Variants in LRRTM3 observed in about 807,000 individuals in gnomAD.
The protein encoded by LRRTM3 is leucine rich repeat transmembrane neuronal 3.
A neutral mutation model predicts 44.7 loss-of-function variants in LRRTM3; 24 were observed. That is an observed-to-expected ratio of 0.54 (90% confidence interval 0.39 to 0.76). The LOEUF (loss-of-function observed/expected upper bound fraction) is 0.76. Ranked by LOEUF, LRRTM3 falls within the 30% of genes least tolerant of loss-of-function variation. The pLI, the probability that LRRTM3 is intolerant of heterozygous loss-of-function variation, is 0.00. For missense variants in LRRTM3, 587 were observed against 702.2 expected (o/e 0.84, Z 1.85); for synonymous variants, 277 against 278.7 (o/e 0.99, Z 0.06).
chr10:66,970,684 T>G (rs1448011164), intron 2 of LRRTM3, among the ~76,000 whole-genome samples: 2 of 152,130 alleles, frequency 1.3e-5, no homozygotes, highest in Non-Finnish European at 2.9e-5. Flanking sequence ...TGACACTATT[T>G]TCACATAGCC....
At chr10:67,056,869 A>T (rs1421228340) in intron 2 of LRRTM3, among the ~76,000 whole-genome samples, 1 of 152,192 alleles carries the variant, frequency 6.6e-6, no homozygotes, top group African/African-American at 2.4e-5. Context: ...ATATGAGGTT[A>T]CATCAATATC....
chr10:67,039,033 G>C (rs1854237118), intron 2 of LRRTM3, among the ~76,000 whole-genome samples: 1 of 151,994 alleles, frequency 6.6e-6, no homozygotes, highest in Non-Finnish European at 1.5e-5. Flanking sequence ...TGTTAGAAAG[G>C]ACTTGAGGTT....
chr10:67,018,499 CA>C (rs1306467888), intron 2 of LRRTM3, among the ~76,000 whole-genome samples: 1 of 152,166 alleles, frequency 6.6e-6, no homozygotes, highest in African/African-American at 2.4e-5. Flanking sequence ...CTGTTATAAA[CA>C]TGTTTGGGAA....
At chr10:67,064,055 C>T (rs1300002368) in intron 2 of LRRTM3, among the ~76,000 whole-genome samples, 1 of 152,164 alleles carries the variant, frequency 6.6e-6, no homozygotes, top group Non-Finnish European at 1.5e-5. Context: ...ATATACCTGA[C>T]GCTTCAGCTT....
chr10:66,926,516 G>A lies in LRRTM3; in HGVS notation c.-68G>A. On this transcript the variant is annotated 5_prime_UTR_variant, in exon 1 of 3. Coordinates refer to ENST00000361320, the MANE Select transcript of LRRTM3 (RefSeq NM_178011.5). ...GACTCACTACAGTGCAGCTGACAGG[G>A]GCTGTCATGCAACTGGCCCCTAAGC... 6.3e-7 allele frequency: 1 copy of A among 1,578,478 alleles called. No homozygotes were observed. The highest frequency in any genetic ancestry group is 8.7e-7 in the Non-Finnish European group (1 of 1,150,196).
At chr10:66,955,189 T>A (rs993515384) in intron 2 of LRRTM3, among the ~76,000 whole-genome samples, 14 of 152,126 alleles carry the variant, frequency 9.2e-5, no homozygotes, top group Non-Finnish European at 1.9e-4. Context: ...CCTGAAAAGA[T>A]CCATTTTATT....
chr10:66,995,272 C>G (rs1279748242), intron 2 of LRRTM3, among the ~76,000 whole-genome samples: 1 of 152,158 alleles, frequency 6.6e-6, no homozygotes, highest in South Asian at 2.1e-4. Flanking sequence ...ACTGAAGACA[C>G]TTTTTCCTCT....
chr10:66,937,004 T>G (rs1325884135), intron 2 of LRRTM3, among the ~76,000 whole-genome samples: 1 of 152,202 alleles, frequency 6.6e-6, no homozygotes, highest in Non-Finnish European at 1.5e-5. Context: ...CCTCAGTATT[T>G]TTCTCAAACA....
Position 67,001,233 on chromosome 10 carries a change from G to A in LRRTM3, c.1536+72781G>A, listed in dbSNP as rs1040466230. On this transcript the variant is annotated intron_variant, in intron 2 of 2. Transcript: ENST00000361320. The stretch of plus-strand genomic sequence containing the variant: ...GGAGAATCGCTTGAACCAGGGACTC[G>A]GAGGTTGCAGTGAGCCGAGATGGAG... 5.3e-5 allele frequency among the ~76,000 whole-genome samples: 8 copies of A among 150,520 alleles called. No homozygotes were observed. In the South Asian group the frequency reaches 8.4e-4, roughly 16 times the overall value.
At chr10:67,091,002 C>T (rs190499295) in intron 2 of LRRTM3, among the ~76,000 whole-genome samples, 10 of 151,954 alleles carry the variant, frequency 6.6e-5, no homozygotes, top group African/African-American at 2.4e-4. Context: ...GGAGTCAAGC[C>T]GGTAGAAAGG....
At position 67,005,980 on chromosome 10, in the gene LRRTM3, C is replaced by T. The variant is rs116432895; in HGVS notation, c.1536+77528C>T. On this transcript the variant is annotated intron_variant, in intron 2 of 2. Transcript: ENST00000361320. The stretch of plus-strand genomic sequence containing the variant: ...GGATTACAAGCGTGAGCCATCGCAC[C>T]CAACCTACTCCATGATTTTTTTGAT... 1.4e-3 allele frequency among the ~76,000 whole-genome samples: 216 copies of T among 152,024 alleles called. 1 individual carries two copies. The highest frequency in any genetic ancestry group is 5.0e-3 in the African/African-American group (206 of 41,480).
At chr10:67,041,523 A>G (rs981667364) in intron 2 of LRRTM3, among the ~76,000 whole-genome samples, 4 of 152,124 alleles carry the variant, frequency 2.6e-5, no homozygotes, top group African/African-American at 9.7e-5. Context: ...TCCTTTCATG[A>G]AATAGTTTTC....
chr10:67,066,122 A>T (rs1432045311), intron 2 of LRRTM3, among the ~76,000 whole-genome samples: 2 of 151,388 alleles, frequency 1.3e-5, no homozygotes, highest in African/African-American at 4.9e-5. Flanking sequence ...CTGAGATGAG[A>T]TCTAACTTTC....
At chr10:67,034,011 A>G (rs867957786) in intron 2 of LRRTM3, among the ~76,000 whole-genome samples, 1 of 152,264 alleles carries the variant, frequency 6.6e-6, no homozygotes, top group African/African-American at 2.4e-5. Flanking sequence ...ACCTCAAGAG[A>G]TCCGCCTGCC....
rs1469737516 is a variant in LRRTM3, at chr10:66,926,655, T to A, written c.4+68T>A. 9 of 1,543,306 alleles carry A rather than the reference T, an allele frequency of 5.8e-6. No individual in the cohort carries two copies. In the Admixed American group the frequency reaches 1.5e-4, roughly 26 times the overall value. The stretch of plus-strand genomic sequence containing the variant: ...AACAAAAAACCTCTAGTGTGTGTAA[T>A]AATTCTGCCTTAATTATTTTAGAGA... On this transcript the variant is annotated intron_variant, in intron 1 of 2. Transcript: ENST00000361320.
Position 66,927,019 on chromosome 10 carries a change from C to T in LRRTM3, c.103C>T (p.Pro35Ser). ...GCTTTCTTCTGCCGAACGAGGATGC[C>T]CTAAGGGCTGTAGGTGTGAAGGCAA... ...TMLSSAERGC[P>S]KGCRCEGKMV... Residue 35 changes from proline to serine, a missense_variant, in exon 2 of 3, where the codon CCT (proline) becomes TCT (serine). This residue lies in a region of LRRTM3 where 50 missense variants were observed against 43.4 expected (regional missense o/e 1.15). Coordinates refer to ENST00000361320, the MANE Select transcript of LRRTM3 (RefSeq NM_178011.5). The surrounding 1 kb of genome is among the most constrained non-coding windows in gnomAD (Gnocchi z 4.7). 2 of 1,614,028 alleles carry T rather than the reference C, an allele frequency of 1.2e-6. No individual in the cohort carries two copies. The highest frequency in any genetic ancestry group is 2.2e-5 in the East Asian group (1 of 44,862).
At chr10:67,059,882 T>G (rs1236479175) in intron 2 of LRRTM3, among the ~76,000 whole-genome samples, 1 of 152,162 alleles carries the variant, frequency 6.6e-6, no homozygotes, top group Non-Finnish European at 1.5e-5. Context: ...GCAATGAAGA[T>G]ATGTAAATAT....
intron 2 of LRRTM3, among the ~76,000 whole-genome samples, chr10:66,967,333 CAT>C (rs558943403): frequency 1.6e-4 from 23 of 140,888 alleles, no homozygotes; most frequent in South Asian, 2.4e-4. Flanking sequence ...TGGATATAGA[CAT>C]ATATATATAT....
chr10:66,946,796 C>T (rs1848295710), intron 2 of LRRTM3, among the ~76,000 whole-genome samples: 1 of 151,996 alleles, frequency 6.6e-6, no homozygotes, highest in Admixed American at 6.6e-5. Flanking sequence ...GAATTAATCC[C>T]CCTCTTATTC....
Sources: gnomAD v4.1 joint callset for allele counts (sites outside exome capture counted in the v4.1 genomes callset) on GRCh38, gnomAD v4.1.1 for gene constraint, gnomAD v4.1.1 regional missense constraint, Gnocchi (gnomAD v3.1) non-coding constraint, MANE v1.5 for transcripts, NCBI Gene and HGNC (gene_info 2026-07-23, HGNC 2026-07-21) for gene names.